CKM: variants seen among roughly 807,000 people sequenced by gnomAD.
CKM encodes the protein creatine kinase M-type.
A neutral mutation model predicts 35.4 loss-of-function variants in CKM; 28 were observed. The ratio of observed to expected loss-of-function variants is 0.79; its 90% confidence interval spans 0.59 to 1.08. CKM has a LOEUF of 1.08. CKM is among the 50% of genes least tolerant of loss of function. The pLI is 0.00. For synonymous variants in CKM, 215 were observed against 204.4 expected (o/e 1.05, Z -0.44); for missense variants, 484 against 509.8 (o/e 0.95, Z 0.49).
chr19:45,311,663 G>A, intron 5 of CKM, 86 bp downstream of exon 5: 2 of 1,152,094 alleles, frequency 1.7e-6, no homozygotes, highest in South Asian at 2.9e-5. Flanking sequence ...ATATGGCCTT[G>A]GTTTTGGTGG....
chr19:45,318,732 G>C (rs1305227378), intron 2 of CKM, among the ~76,000 whole-genome samples: 1 of 152,146 alleles, frequency 6.6e-6, no homozygotes, highest in East Asian at 1.9e-4. Context: ...GGAGAGAGGG[G>C]CTTCTCCCCG....
At chr19:45,319,477 G>A in intron 2 of CKM, 44 bp downstream of exon 2, 1 of 1,534,164 alleles carries the variant, frequency 6.5e-7, no homozygotes, top group Non-Finnish European at 9.0e-7. Context: ...GCAGCCTCCA[G>A]AGCCCCCATG....
chr19:45,307,426 C>A, intron 7 of CKM, 35 bp downstream of exon 7: 3 of 1,605,468 alleles, frequency 1.9e-6, no homozygotes, highest in Non-Finnish European at 1.7e-6. Flanking sequence ...CCTCGCTCCC[C>A]CTCCGTCGTG....
At chr19:45,321,201 G>T (rs1290169960) in intron 1 of CKM, among the ~76,000 whole-genome samples, 1 of 151,942 alleles carries the variant, frequency 6.6e-6, no homozygotes, top group Non-Finnish European at 1.5e-5. Flanking sequence ...ACGGCACCTG[G>T]CCTGTTGTTG....
intron 3 of CKM, among the ~76,000 whole-genome samples, chr19:45,316,112 C>G (rs1971155753): frequency 6.6e-6 from 1 of 151,944 alleles, no homozygotes; most frequent in Non-Finnish European, 1.5e-5. Flanking sequence ...AGCCAATCAC[C>G]TGAGGTCAGG....
At chr19:45,310,622 CTG>C (rs1444327007) in intron 5 of CKM, among the ~76,000 whole-genome samples, 2 of 151,934 alleles carry the variant, frequency 1.3e-5, no homozygotes, top group Non-Finnish European at 2.9e-5. Context: ...CGGTTCAAGT[CTG>C]AGTTCTTATT....
intron 7 of CKM, 126 bp from the exon 8 acceptor site, chr19:45,307,054 A>AC: frequency 1.1e-6 from 1 of 888,686 alleles, no homozygotes; most frequent in South Asian, 1.4e-5. Flanking sequence ...TTACCTGCAC[A>AC]CAGGTAATGC....
chr19:45,320,987 A>G (rs1599821381), intron 1 of CKM, among the ~76,000 whole-genome samples: 2 of 151,434 alleles, frequency 1.3e-5, no homozygotes, highest in South Asian at 4.2e-4. Context: ...TGCAACCTCC[A>G]CCTCCCAGGT....
Position 45,306,735 on chromosome 19 carries a change from C to G in CKM, c.*15G>C. ...CTGGCTGGGTTCCAGCAGTCGGTGG[C>G]AGGTGGGCAGGCGCCTACTTCTGGG... is the stretch of plus-strand genomic sequence containing the variant. On this transcript the variant is annotated 3_prime_UTR_variant, in exon 8 of 8. Coordinates refer to ENST00000221476, the MANE Select transcript of CKM (RefSeq NM_001824.5). This position sits in a 1 kb window ranked among gnomAD's most constrained non-coding sequence, Gnocchi z 4.5. 2 of 1,613,820 alleles carry G rather than the reference C, an allele frequency of 1.2e-6. No homozygotes were observed. Among genetic ancestry groups the G allele is most frequent in the Non-Finnish European group, 1.7e-6 (2 of 1,179,946 alleles).
intron 1 of CKM, among the ~76,000 whole-genome samples, chr19:45,320,617 G>A (rs931377629): frequency 1.3e-5 from 2 of 152,180 alleles, no homozygotes; most frequent in African/African-American, 2.4e-5. Flanking sequence ...GGTGGAAAAC[G>A]GGCCCCTCCC....
At position 45,317,965 on chromosome 19, in the gene CKM, T is replaced by C. The variant is rs1445969248; in HGVS notation, c.208A>G (p.Met70Val). The C allele has an allele frequency of 6.2e-7, 1 of 1,613,660 alleles. No individual in the cohort carries two copies. Among genetic ancestry groups the C allele is most frequent in the East Asian group, 2.2e-5 (1 of 44,882 alleles). Residue 70 changes from methionine (M) to valine (V), a missense_variant, in exon 3 of 8, where the codon ATG becomes GTG. Transcript: ENST00000221476. ...TCACCAGCCACGCAGCCCACGGTCA[T>C]GATGAAGGGGTGACCTGGAGGGGTG... ...GVDNPGHPFI[M>V]TVGCVAGDEE...
intron 1 of CKM, 38 bp downstream of exon 1, chr19:45,322,783 A>G (rs775675848): frequency 1.3e-5 from 13 of 981,918 alleles, no homozygotes; most frequent in Non-Finnish European, 1.5e-5. Flanking sequence ...GAAATCCCCT[A>G]CTCTGGCCCC....
At chr19:45,310,924 C>T (rs575268240) in intron 5 of CKM, among the ~76,000 whole-genome samples, 15 of 142,112 alleles carry the variant, frequency 1.1e-4, no homozygotes, top group African/African-American at 3.3e-4. Context: ...GCGCCTGCCA[C>T]GACGCCGGGC....
In CKM at chr19:45,319,379, T is replaced by C. The variant is rs1404889164; in HGVS notation, c.193+142A>G. 7.5e-6 allele frequency: 5 copies of C among 671,082 alleles called. No homozygotes were observed. In the Admixed American group the frequency reaches 1.2e-4, roughly 16 times the overall value. 41.6% of individuals were successfully genotyped at this position (671,082 alleles called of 1,614,324 possible). A position where few individuals can be genotyped will look rare whatever the true frequency, so the allele number is the denominator to read the frequency against. ...TGTCCCAAGCCTTTATGTATATTAA[T>C]GCATTGATTCCCACAACAGCCCCAT... On this transcript the variant is annotated intron_variant, in intron 2 of 7. Transcript: ENST00000221476.
chr19:45,315,551 C>G lies in CKM; in HGVS notation c.395G>C (p.Arg132Pro). Residue 132 changes from arginine to proline, a missense_variant, in exon 4 of 8, where the codon CGC becomes CCC. Physicochemically the swap from Arg to Pro is moderately radical, Grantham distance 103. Transcript: ENST00000221476. Reference sequence around the variant, plus strand: ...GTAGCCCTTGATGCTGCGGCCAGTGCGGACGCGGCTGCTGAGCACGTAGTT... The same window carrying G: ...GTAGCCCTTGATGCTGCGGCCAGTGGGGACGCGGCTGCTGAGCACGTAGTT... ...DPNYVLSSRV[R>P]TGRSIKGYTL... 2 of 1,603,340 alleles carry G rather than the reference C, an allele frequency of 1.2e-6. No individual in the cohort carries two copies. The highest frequency in any genetic ancestry group is 1.7e-6 in the Non-Finnish European group (2 of 1,179,932).
chr19:45,313,723 G>A (rs1162773845), intron 4 of CKM, among the ~76,000 whole-genome samples: 1 of 152,120 alleles, frequency 6.6e-6, no homozygotes, highest in Non-Finnish European at 1.5e-5. Context: ...GGCGCATGCC[G>A]GTGATCTCAG....
chr19:45,320,035 C>T (rs561879715), intron 1 of CKM, among the ~76,000 whole-genome samples: 47 of 152,074 alleles, frequency 3.1e-4, no homozygotes, highest in African/African-American at 1.0e-3. Flanking sequence ...GTGATCCGCC[C>T]GCCTCGGCCT....
At chr19:45,321,460 C>G (rs939926651) in intron 1 of CKM, among the ~76,000 whole-genome samples, 1 of 152,056 alleles carries the variant, frequency 6.6e-6, no homozygotes, top group African/African-American at 2.4e-5. Flanking sequence ...GCTGTGTGAC[C>G]CCAGGCCAGT....
chr19:45,307,709 C>A, intron 6 of CKM, 59 bp from the exon 7 acceptor site: 3 of 1,415,792 alleles, frequency 2.1e-6, no homozygotes, highest in Non-Finnish European at 3.0e-6. Context: ...AATGCACCCG[C>A]AACATGGACA....
Sources: allele counts gnomAD v4.1 joint callset (sites outside exome capture counted in the v4.1 genomes callset), GRCh38; gene constraint gnomAD v4.1.1; non-coding constraint Gnocchi (gnomAD v3.1); transcripts MANE v1.5; gene names NCBI Gene and HGNC (gene_info 2026-07-23, HGNC 2026-07-21).